The following IKZF1 variants were observed in gnomAD, a reference collection of about 807,000 sequenced individuals.
The protein encoded by IKZF1 is IKAROS family zinc finger 1, also known as DNA-binding protein Ikaros.
A neutral mutation model predicts 51.7 loss-of-function variants in IKZF1; 10 were observed. The ratio of observed to expected loss-of-function variants is 0.19; its 90% confidence interval spans 0.12 to 0.33. The LOEUF (loss-of-function observed/expected upper bound fraction) is 0.33. Ranked by LOEUF, IKZF1 falls within the 10% of genes least tolerant of loss-of-function variation. IKZF1 has a pLI of 1.00. For missense variants in IKZF1, 484 were observed against 707.5 expected (o/e 0.68, Z 3.58); for synonymous variants, 280 against 282.3 (o/e 0.99, Z 0.08).
chr7:50,373,506 T>A (rs553024537), intron 3 of IKZF1, among the ~76,000 whole-genome samples: 1 of 152,220 alleles, frequency 6.6e-6, no homozygotes, highest in Non-Finnish European at 1.5e-5. Context: ...ATGCCTGTTC[T>A]GCGTGGTGTC....
chr7:50,373,472 G>T (rs1399543545), intron 3 of IKZF1, among the ~76,000 whole-genome samples: 1 of 152,168 alleles, frequency 6.6e-6, no homozygotes, highest in African/African-American at 2.4e-5. Flanking sequence ...CCGCGTAGGG[G>T]AACATGCCAA....
intron 1 of IKZF1, among the ~76,000 whole-genome samples, chr7:50,313,747 G>C (rs1261576115): frequency 6.6e-6 from 1 of 152,160 alleles, no homozygotes; most frequent in Non-Finnish European, 1.5e-5. Context: ...GGTTTAATTG[G>C]GAGAGTTAAA....
chr7:50,335,524 T>C (rs1218745075), intron 3 of IKZF1, among the ~76,000 whole-genome samples: 2 of 141,198 alleles, frequency 1.4e-5, no homozygotes, highest in East Asian at 4.2e-4. Context: ...GTGTGGTGTG[T>C]GGTGCATAGT....
chr7:50,324,003 C>A (rs941154279), intron 2 of IKZF1, among the ~76,000 whole-genome samples: 1 of 152,222 alleles, frequency 6.6e-6, no homozygotes, highest in African/African-American at 2.4e-5. Flanking sequence ...AAAGCCAGAA[C>A]TATGTCCTGG....
intron 6 of IKZF1, among the ~76,000 whole-genome samples, chr7:50,389,663 T>C (rs1042374895): frequency 1.3e-5 from 2 of 152,242 alleles, no homozygotes; most frequent in African/African-American, 4.8e-5. Flanking sequence ...GTTTTTGCCC[T>C]TGCCAGCACC....
chr7:50,402,390 T>C lies in IKZF1; in HGVS notation c.*1763T>C. ...GCTCTCCTGTGCATTGTAGGATAAT[T>C]AGCAGTATCCCTGGTGGCTACCCAA... is the stretch of plus-strand genomic sequence containing the variant. On this transcript the variant is annotated 3_prime_UTR_variant, in exon 8 of 8. Transcript: ENST00000331340. 4.3e-6 allele frequency: 1 copy of C among 230,454 alleles called. No individual in the cohort carries two copies. Among genetic ancestry groups the C allele is most frequent in the Non-Finnish European group, 8.6e-6 (1 of 116,200 alleles). 14.3% of individuals were successfully genotyped at this position (230,454 alleles called of 1,614,324 possible). A position where few individuals can be genotyped will look rare whatever the true frequency, so the allele number is the denominator to read the frequency against.
intron 2 of IKZF1, among the ~76,000 whole-genome samples, chr7:50,323,254 C>T (rs1013880759): frequency 5.3e-5 from 8 of 152,130 alleles, no homozygotes; most frequent in Non-Finnish European, 7.4e-5. Flanking sequence ...AGCAACTGAC[C>T]GGAAGTCCAA....
At chr7:50,362,656 A>C (rs1009244844) in intron 3 of IKZF1, among the ~76,000 whole-genome samples, 2 of 152,156 alleles carry the variant, frequency 1.3e-5, no homozygotes, top group African/African-American at 4.8e-5. Context: ...TATCTGAATA[A>C]TATTACCTGC....
intron 3 of IKZF1, among the ~76,000 whole-genome samples, chr7:50,348,312 C>T (rs1178498195): frequency 6.6e-6 from 1 of 152,084 alleles, no homozygotes; most frequent in Non-Finnish European, 1.5e-5. Context: ...CCATGTTAGT[C>T]CTAGCTGAGG....
At chr7:50,318,734 T>C (rs1016442372) in intron 1 of IKZF1, among the ~76,000 whole-genome samples, 1 of 152,236 alleles carries the variant, frequency 6.6e-6, no homozygotes, top group Non-Finnish European at 1.5e-5. Flanking sequence ...CCCAGGGCCA[T>C]TTAATTTTCT....
intron 3 of IKZF1, among the ~76,000 whole-genome samples, chr7:50,373,207 C>G (rs1028441835): frequency 6.6e-6 from 1 of 152,238 alleles, no homozygotes; most frequent in African/African-American, 2.4e-5. Flanking sequence ...GTAGCAGAAC[C>G]GGTGTTCCTG....
chr7:50,386,020 A>G (rs1640205393), intron 5 of IKZF1, among the ~76,000 whole-genome samples: 1 of 152,250 alleles, frequency 6.6e-6, no homozygotes, highest in African/African-American at 2.4e-5. Context: ...AAACATTTCT[A>G]TTTGGATGCT....
intron 3 of IKZF1, among the ~76,000 whole-genome samples, chr7:50,339,492 C>T (rs953683919): frequency 1.3e-5 from 2 of 151,822 alleles, no homozygotes; most frequent in South Asian, 2.1e-4. Flanking sequence ...TGGCTTACGC[C>T]GTAATCCCAG....
In IKZF1 at chr7:50,405,013, C is replaced by T. The variant is rs1269360598; in HGVS notation, c.*4386C>T. 5.0e-6 allele frequency: 1 copy of T among 200,922 alleles called. No individual in the cohort carries two copies. The highest frequency in any genetic ancestry group is 7.6e-5 in the East Asian group (1 of 13,184). The allele number at this position is 200,922 out of a possible 1,614,324, so 12.4% of individuals were successfully genotyped here. ...AAAATCAGGACTGGGGACTGGGAGA[C>T]CAAAAATTTCTGATCCCATTTCTGA... is the stretch of plus-strand genomic sequence containing the variant. On this transcript the variant is annotated 3_prime_UTR_variant, in exon 8 of 8. Coordinates refer to ENST00000331340, the MANE Select transcript of IKZF1 (RefSeq NM_006060.6).
At position 50,343,983 on chromosome 7, in the gene IKZF1, G is replaced by C. The variant is rs74316305; in HGVS notation, c.160+16226G>C. 5.3e-5 allele frequency among the ~76,000 whole-genome samples: 8 copies of C among 152,220 alleles called. No homozygotes were observed. The South Asian group carries it at 1.7e-3, about 32-fold the overall frequency. Reference sequence around the variant, plus strand: ...ACAAATAAGGCTTAATTGTGAAGTCGTGAGAATTGCTTTCTGAGCTGACTT... The same window carrying C: ...ACAAATAAGGCTTAATTGTGAAGTCCTGAGAATTGCTTTCTGAGCTGACTT... On this transcript the variant is annotated intron_variant, in intron 3 of 7. Coordinates refer to ENST00000331340, the MANE Select transcript of IKZF1 (RefSeq NM_006060.6).
intron 3 of IKZF1, among the ~76,000 whole-genome samples, chr7:50,338,571 G>GGGGGGT (rs1798331710): frequency 6.6e-6 from 1 of 152,218 alleles, no homozygotes; most frequent in Non-Finnish European, 1.5e-5. Context: ...TATCTGGTTA[G>GGGGGGT]GGCATTTTCT....
At chr7:50,312,580 C>T (rs6966492) in intron 1 of IKZF1, among the ~76,000 whole-genome samples, 9,628 of 152,274 alleles carry the variant, frequency 0.063, 353 homozygotes, top group Middle Eastern at 0.14. Flanking sequence ...ACAGGTGGCT[C>T]CACTGTGGCA....
intron 1 of IKZF1, among the ~76,000 whole-genome samples, chr7:50,312,986 A>G (rs1245893250): frequency 6.6e-6 from 1 of 152,258 alleles, no homozygotes; most frequent in East Asian, 1.9e-4. Context: ...AAAAATGAAA[A>G]GAATCAGAAA....
At chr7:50,372,735 A>G (rs1329519387) in intron 3 of IKZF1, among the ~76,000 whole-genome samples, 1 of 152,218 alleles carries the variant, frequency 6.6e-6, no homozygotes. Flanking sequence ...ATGTCCCTAC[A>G]TCTAGCCATC....
Sources: allele counts gnomAD v4.1 joint callset (sites outside exome capture counted in the v4.1 genomes callset), GRCh38; gene constraint gnomAD v4.1.1; transcripts MANE v1.5; gene names NCBI Gene and HGNC (gene_info 2026-07-23, HGNC 2026-07-21).